The following ZNF469 variants were observed in gnomAD, a reference collection of about 807,000 sequenced individuals.
ZNF469 encodes zinc finger protein 469.
A neutral mutation model predicts 1.0 loss-of-function variants in ZNF469; 1 was observed. That is an observed-to-expected ratio of 1.00 (90% CI 0.35 to 4.73). The LOEUF is 4.73. ZNF469 is among the 30% of genes most tolerant of loss of function. ZNF469 has a pLI of 0.16. For missense variants in ZNF469, 6,100 were observed against 5,356.3 expected (o/e 1.14, Z -4.33); for synonymous variants, 2,703 against 2,363.4 (o/e 1.14, Z -4.17).
the ZNF469 span, among the ~76,000 whole-genome samples, chr16:88,130,188 C>T: frequency 9.9e-5 from 15 of 152,236 alleles, no homozygotes; most frequent in Non-Finnish European, 1.8e-4. Context: ...CATCGGGGTG[C>T]GTGCGCAGGA....
chr16:88,227,446 C>T, the ZNF469 span, among the ~76,000 whole-genome samples: 209 of 152,046 alleles, frequency 1.4e-3, no homozygotes, highest in Non-Finnish European at 1.1e-3. Context: ...GGCCTCCAGT[C>T]CCTCCCTCAG....
chr16:88,138,398 A>G, the ZNF469 span, among the ~76,000 whole-genome samples: 3 of 152,230 alleles, frequency 2.0e-5, no homozygotes, highest in African/African-American at 7.2e-5. Flanking sequence ...CGGGTTGTCA[A>G]GGGATGATTA....
upstream of ZNF469, among the ~76,000 whole-genome samples, chr16:88,378,650 C>G (rs1486533233): frequency 6.6e-6 from 1 of 152,200 alleles, no homozygotes; most frequent in Non-Finnish European, 1.5e-5. Flanking sequence ...AAGCTGCTCT[C>G]CCTTCCACTC....
the ZNF469 span, among the ~76,000 whole-genome samples, chr16:88,339,871 C>G: frequency 8.2e-6 from 1 of 122,510 alleles, no homozygotes; most frequent in Non-Finnish European, 1.7e-5. Flanking sequence ...GGTCAGGGGA[C>G]AGAGTGGCAG....
At chr16:88,269,960 G>C in the ZNF469 span, among the ~76,000 whole-genome samples, 1 of 152,022 alleles carries the variant, frequency 6.6e-6, no homozygotes, top group Non-Finnish European at 1.5e-5. Context: ...AGAGCAGAGT[G>C]TTTTCTAGAA....
chr16:88,245,658 T>A, the ZNF469 span, among the ~76,000 whole-genome samples: 1 of 152,244 alleles, frequency 6.6e-6, no homozygotes, highest in Non-Finnish European at 1.5e-5. Flanking sequence ...CATCCCCAAG[T>A]GTCCTTCTCC....
At position 88,424,952 on chromosome 16, in the gene ZNF469, C is replaced by A. The variant is rs1172997165; in HGVS notation, c.-127+81C>A. Among the ~76,000 whole-genome samples, 1 of 151,992 alleles carries A rather than the reference C, an allele frequency of 6.6e-6. No homozygotes were observed. Among genetic ancestry groups the A allele is most frequent in the African/African-American group, 2.4e-5 (1 of 41,396 alleles). ...GGTCCTGAGGCCCCCTCCGCCCCCA[C>A]CCGCCCGGCCTTCCTCTCCCTCTCA... On this transcript the variant is annotated intron_variant, in intron 2 of 2. Transcript: ENST00000565624. The surrounding 1 kb of genome is among the most constrained non-coding windows in gnomAD (Gnocchi z 4.3).
the ZNF469 span, among the ~76,000 whole-genome samples, chr16:88,288,042 C>G: frequency 1.3e-5 from 2 of 152,190 alleles, no homozygotes; most frequent in Non-Finnish European, 2.9e-5. Context: ...TTCAAACACA[C>G]TAGATAATTT....
chr16:88,344,288 T>A, the ZNF469 span, among the ~76,000 whole-genome samples: 1 of 152,068 alleles, frequency 6.6e-6, no homozygotes, highest in East Asian at 1.9e-4. Flanking sequence ...AAGCGTGGAC[T>A]TCAGTTCATA....
chr16:88,333,759 C>A, the ZNF469 span, among the ~76,000 whole-genome samples: 3 of 139,256 alleles, frequency 2.2e-5, no homozygotes, highest in Admixed American at 2.3e-4. Flanking sequence ...GTAAAGATCC[C>A]GAGGAGAATA....
chr16:88,173,651 A>G, the ZNF469 span, among the ~76,000 whole-genome samples: 12,981 of 152,272 alleles, frequency 0.085, 597 homozygotes, highest in Middle Eastern at 0.15. Context: ...TTTGGGGTTT[A>G]TAGTATATGT....
chr16:88,402,889 C>A (rs1334805475), intron 1 of ZNF469, among the ~76,000 whole-genome samples: 1 of 152,178 alleles, frequency 6.6e-6, no homozygotes, highest in African/African-American at 2.4e-5. Flanking sequence ...ACCAGCCAGG[C>A]TTTCCCTGGG....
chr16:88,112,718 C>G, the ZNF469 span, among the ~76,000 whole-genome samples: 3 of 151,476 alleles, frequency 2.0e-5, no homozygotes, highest in South Asian at 6.2e-4. Flanking sequence ...AATATTTCCT[C>G]CCATTCTGTG....
At chr16:88,405,409 C>T (rs748588375) in intron 1 of ZNF469, among the ~76,000 whole-genome samples, 25 of 152,192 alleles carry the variant, frequency 1.6e-4, no homozygotes, top group South Asian at 2.1e-4. Context: ...TGGTGCCTCC[C>T]GGCAACAGTC....
the ZNF469 span, among the ~76,000 whole-genome samples, chr16:88,361,109 T>C: frequency 2.0e-5 from 3 of 152,164 alleles, no homozygotes; most frequent in African/African-American, 7.2e-5. Flanking sequence ...CAGTGACAGA[T>C]CATCAGGCAT....
the ZNF469 span, among the ~76,000 whole-genome samples, chr16:88,228,020 T>A: frequency 3.8e-4 from 58 of 152,362 alleles, no homozygotes; most frequent in African/African-American, 1.3e-3. Context: ...GTTCCTTCCA[T>A]GTCTTCATGT....
the ZNF469 span, among the ~76,000 whole-genome samples, chr16:88,141,385 T>A: frequency 6.8e-6 from 1 of 146,464 alleles, no homozygotes; most frequent in East Asian, 2.0e-4. Context: ...CCCGTCCTGG[T>A]CCCCGGAGCC....
chr16:88,308,520 C>T, the ZNF469 span, among the ~76,000 whole-genome samples: 1 of 152,152 alleles, frequency 6.6e-6, no homozygotes, highest in Non-Finnish European at 1.5e-5. Flanking sequence ...CCCAGCCTGC[C>T]CCTCCACACT....
At chr16:88,322,000 C>T in the ZNF469 span, among the ~76,000 whole-genome samples, 3 of 152,146 alleles carry the variant, frequency 2.0e-5, no homozygotes, top group South Asian at 6.2e-4. Flanking sequence ...CAGGCCCTGG[C>T]GAGATCTCTG....
Sources: allele counts gnomAD v4.1 joint callset (sites outside exome capture counted in the v4.1 genomes callset), GRCh38; gene constraint gnomAD v4.1.1; non-coding constraint Gnocchi (gnomAD v3.1); transcripts MANE v1.5; gene names NCBI Gene and HGNC (gene_info 2026-07-23, HGNC 2026-07-21).